Variants in LRP1B observed in about 807,000 individuals in gnomAD.
LRP1B encodes the protein LDL receptor related protein 1B, also known as low-density lipoprotein receptor-related protein 1B.
A neutral mutation model predicts 556.6 loss-of-function variants in LRP1B; 217 were observed. That is an observed-to-expected ratio of 0.39 (90% CI 0.35 to 0.44). The LOEUF is 0.44. Among genes scored for constraint, LRP1B ranks in the 20% least tolerant of loss-of-function variants. LRP1B has a pLI of 1.00. For missense variants in LRP1B, 5,053 were observed against 5,620.8 expected, an observed-to-expected ratio of 0.90 and a Z score of 3.23; for synonymous variants, 2,047 against 1,865.8, an observed-to-expected ratio of 1.10 and a Z score of -2.50.
chr2:140,284,749 G>T, intron 84 of LRP1B, among the ~76,000 whole-genome samples: 1 of 149,622 alleles, frequency 6.7e-6, no homozygotes. Flanking sequence ...ATGTTACAAT[G>T]CAACCAAAAA....
chr2:141,764,409 C>G (rs913395638), intron 2 of LRP1B, among the ~76,000 whole-genome samples: 1 of 152,166 alleles, frequency 6.6e-6, no homozygotes, highest in African/African-American at 2.4e-5. Flanking sequence ...GTCTTGATCT[C>G]CTGACCTCGT....
At chr2:141,127,113 G>C (rs1701234821) in intron 7 of LRP1B, among the ~76,000 whole-genome samples, 1 of 150,616 alleles carries the variant, frequency 6.6e-6, no homozygotes, top group African/African-American at 2.4e-5. Context: ...CGCGGTGTTT[G>C]GTTTTCTATG....
chr2:140,728,163 A>C (rs1211932039), intron 35 of LRP1B, among the ~76,000 whole-genome samples: 1 of 152,220 alleles, frequency 6.6e-6, no homozygotes, highest in Non-Finnish European at 1.5e-5. Flanking sequence ...TTATTAAAAA[A>C]AAAATCCATT....
intron 3 of LRP1B, among the ~76,000 whole-genome samples, chr2:141,265,939 C>T (rs1684869967): frequency 6.6e-6 from 1 of 152,198 alleles, no homozygotes; most frequent in African/African-American, 2.4e-5. Flanking sequence ...TCCTACCTCT[C>T]CTTTAGTCGG....
intron 35 of LRP1B, among the ~76,000 whole-genome samples, chr2:140,722,529 C>T (rs1274333132): frequency 6.6e-6 from 1 of 152,122 alleles, no homozygotes; most frequent in African/African-American, 2.4e-5. Flanking sequence ...CCTCTTAGTA[C>T]AGTTGGACAG....
At chr2:141,379,167 A>AT (rs1462616148) in intron 3 of LRP1B, among the ~76,000 whole-genome samples, 1 of 152,144 alleles carries the variant, frequency 6.6e-6, no homozygotes, top group Non-Finnish European at 1.5e-5. Context: ...TGAACAGCAG[A>AT]TTTTTCATCA....
intron 1 of LRP1B, among the ~76,000 whole-genome samples, chr2:142,051,471 GTTTTTTTGTT>G (rs764768757): frequency 6.7e-6 from 1 of 150,188 alleles, no homozygotes; most frequent in Middle Eastern, 3.5e-3. Flanking sequence ...GTGTTTTTTT[GTTTTTTTGTT>G]TTTTTTTTGT....
chr2:141,387,433 A>T (rs1365112592), intron 3 of LRP1B, among the ~76,000 whole-genome samples: 1 of 152,098 alleles, frequency 6.6e-6, no homozygotes, highest in Non-Finnish European at 1.5e-5. Flanking sequence ...TAGCTGTACA[A>T]CAAGGGGAAA....
chr2:140,440,176 C>T (rs1321136292), intron 66 of LRP1B, among the ~76,000 whole-genome samples: 1 of 152,038 alleles, frequency 6.6e-6, no homozygotes, highest in African/African-American at 2.4e-5. Context: ...TAGGTGAACT[C>T]CAAGAGCATA....
intron 3 of LRP1B, among the ~76,000 whole-genome samples, chr2:141,331,047 C>A (rs1169450775): frequency 6.6e-6 from 1 of 152,132 alleles, no homozygotes; most frequent in Non-Finnish European, 1.5e-5. Flanking sequence ...CGTGACAAAC[C>A]CTATAGTAAG....
At chr2:140,803,260 GTTTTTTTTTTTTTTTTTTT>G (rs11352164) in intron 32 of LRP1B, among the ~76,000 whole-genome samples, 3 of 102,238 alleles carry the variant, frequency 2.9e-5, no homozygotes, top group Non-Finnish European at 3.5e-5. Flanking sequence ...CCTATTGAAA[GTTTTTTTTTTTTTTTTTTT>G]TTTTTTTTTT....
intron 47 of LRP1B, among the ~76,000 whole-genome samples, chr2:140,530,622 G>A (rs953982873): frequency 2.6e-5 from 4 of 152,044 alleles, no homozygotes; most frequent in East Asian, 1.9e-4. Context: ...CTACCCATTC[G>A]TTTATCCTAA....
chr2:141,894,884 T>C (rs914272403), intron 1 of LRP1B, among the ~76,000 whole-genome samples: 1 of 151,694 alleles, frequency 6.6e-6, no homozygotes, highest in African/African-American at 2.4e-5. Context: ...ACCCTGTCTC[T>C]ACTAAAAATT....
chr2:141,392,586 A>C (rs1690094333), intron 3 of LRP1B, among the ~76,000 whole-genome samples: 1 of 152,012 alleles, frequency 6.6e-6, no homozygotes, highest in South Asian at 2.1e-4. Context: ...TTCTTAGTTA[A>C]TGACACGAAG....
At chr2:142,095,512 A>G (rs1362456449) in intron 1 of LRP1B, among the ~76,000 whole-genome samples, 1 of 151,754 alleles carries the variant, frequency 6.6e-6, no homozygotes, top group East Asian at 1.9e-4. Flanking sequence ...AGAAGAAATC[A>G]ATATCTAAAA....
intron 2 of LRP1B, among the ~76,000 whole-genome samples, chr2:141,502,479 G>A (rs567802384): frequency 8.5e-5 from 13 of 152,178 alleles, no homozygotes; most frequent in African/African-American, 2.4e-4. Context: ...AAAAGGTTAC[G>A]ATCTCATGGG....
chr2:141,927,917 A>AAAAAAG (rs1386852005), intron 1 of LRP1B, among the ~76,000 whole-genome samples: 19 of 145,906 alleles, frequency 1.3e-4, no homozygotes, highest in African/African-American at 4.4e-4. Flanking sequence ...AAAAAAAAAA[A>AAAAAAG]AAAGAAAGAA....
chr2:140,256,337 A>T (rs1681676163), intron 86 of LRP1B, among the ~76,000 whole-genome samples: 1 of 150,782 alleles, frequency 6.6e-6, no homozygotes. Context: ...TTGCACTCAG[A>T]TCTAGCCTCT....
intron 66 of LRP1B, among the ~76,000 whole-genome samples, chr2:140,427,279 G>T (rs574337465): frequency 1.3e-5 from 2 of 152,026 alleles, no homozygotes; most frequent in African/African-American, 4.8e-5. Context: ...AGTCAATTGC[G>T]AGGACGCCTG....
Sources: allele counts gnomAD v4.1 joint callset (sites outside exome capture counted in the v4.1 genomes callset), GRCh38; gene constraint gnomAD v4.1.1; transcripts MANE v1.5; gene names NCBI Gene and HGNC (gene_info 2026-07-23, HGNC 2026-07-21).